Variants in ZNF790 observed in about 807,000 individuals in gnomAD.
ZNF790 encodes the protein zinc finger protein 790.
A neutral mutation model predicts 12.1 loss-of-function variants in ZNF790; 8 were observed. That is an observed-to-expected ratio of 0.66 (90% CI 0.39 to 1.19). The LOEUF (loss-of-function observed/expected upper bound fraction) is 1.19, where lower values mean the gene tolerates loss of function less well. ZNF790 is among the 50% of genes most tolerant of loss of function. The probability of loss-of-function intolerance (pLI) is 0.01; values close to 1 mark genes in which losing one functional copy is unlikely to be tolerated. For synonymous variants in ZNF790, 252 were observed against 244.3 expected (o/e 1.03, Z -0.29); for missense variants, 707 against 752.2 (o/e 0.94, Z 0.70).
chr19:36,820,242 AT>A (rs2071639419), intron 4 of ZNF790, 128 bp from the exon 5 acceptor site: 1 of 964,192 alleles, frequency 1.0e-6, no homozygotes, highest in South Asian at 2.0e-5. Flanking sequence ...ATTCTCAAAT[AT>A]GAGCAATATG....
chr19:36,845,035 G>A (rs1328495182), intron 1 of ZNF790, among the ~76,000 whole-genome samples: 2 of 99,092 alleles, frequency 2.0e-5, no homozygotes, highest in Admixed American at 3.3e-4. Flanking sequence ...GCGACAGAGC[G>A]AGACTCCGTC....
rs1395157131 is a variant in ZNF790, at chr19:36,818,306, G to A, written c.*127C>T. Reference sequence around the variant, plus strand: ...TGCTGCTGCTGCTGCTGCTGCTGCTGGATGTGTGCTCTGTTAAAATGCCTT... The same window carrying A: ...TGCTGCTGCTGCTGCTGCTGCTGCTAGATGTGTGCTCTGTTAAAATGCCTT... On this transcript the variant is annotated 3_prime_UTR_variant, in exon 5 of 5. Coordinates refer to ENST00000356725, the MANE Select transcript of ZNF790 (RefSeq NM_206894.4). 8.4e-6 allele frequency: 6 copies of A among 714,290 alleles called. No homozygotes were observed. Among genetic ancestry groups the A allele is most frequent in the African/African-American group, 1.8e-5 (1 of 54,346 alleles). The allele number at this position is 714,290 out of a possible 1,614,324, so 44.2% of individuals were successfully genotyped here.
intron 4 of ZNF790, among the ~76,000 whole-genome samples, chr19:36,822,919 C>T (rs967971276): frequency 1.3e-5 from 2 of 150,616 alleles, no homozygotes; most frequent in Non-Finnish European, 3.0e-5. Flanking sequence ...GGCACGATCT[C>T]GGCTCACTGC....
chr19:36,824,457 C>T (rs1481258862), intron 2 of ZNF790, among the ~76,000 whole-genome samples: 1 of 151,996 alleles, frequency 6.6e-6, no homozygotes, highest in Non-Finnish European at 1.5e-5. Flanking sequence ...CGTGTGTGCA[C>T]CACTGCGCCT....
Position 36,820,040 on chromosome 19 carries a change from C to T in ZNF790, c.304G>A (p.Glu102Lys), listed in dbSNP as rs893271311. 3 of 1,612,824 alleles carry T rather than the reference C, an allele frequency of 1.9e-6. No individual in the cohort carries two copies. The highest frequency in any genetic ancestry group is 2.5e-6 in the Non-Finnish European group (3 of 1,180,002). The change falls in exon 5 of 5, where the codon GAA becomes AAA. Residue 102 changes from glutamate (E) to lysine (K), a missense_variant. Transcript: ENST00000356725. ...TGGTTTTTACAAATTCTCATTATTT[C>T]CAATTGGGCTATTTCTCTCTCAAAA... ...GIFEREIAQL[E>K]IMRICKNHSL...
At position 36,825,502 on chromosome 19, in the gene ZNF790, T is replaced by G. The variant is rs183141209; in HGVS notation, c.9+109A>C. ...TGGACTGTTTCACAGTCATTACTTA[T>G]GACACTCAATAGTGATTCAGGTAAG... On this transcript the variant is annotated intron_variant, in intron 2 of 4. Transcript: ENST00000356725. The G allele has an allele frequency of 2.6e-6, 3 of 1,149,778 alleles. No homozygotes were observed. The East Asian group carries it at 7.0e-5, about 27-fold the overall frequency. The allele number at this position is 1,149,778 out of a possible 1,614,324, so 71.2% of individuals were successfully genotyped here.
intron 1 of ZNF790, among the ~76,000 whole-genome samples, chr19:36,843,541 G>T (rs1332256730): frequency 6.6e-6 from 1 of 152,108 alleles, no homozygotes; most frequent in Non-Finnish European, 1.5e-5. Flanking sequence ...CTCAATCACT[G>T]ATTAAATGAA....
At chr19:36,823,208 G>T in intron 4 of ZNF790, 77 bp downstream of exon 4, 1 of 1,301,132 alleles carries the variant, frequency 7.7e-7, no homozygotes. Context: ...ATATTTCAGA[G>T]GTGTTGCTGC....
chr19:36,818,799 A>T lies in ZNF790; in HGVS notation c.1545T>A (p.Phe515Leu), dbSNP rs1366148655. 6.2e-7 allele frequency: 1 copy of T among 1,611,038 alleles called. No homozygotes were observed. Among genetic ancestry groups the T allele is most frequent in the African/African-American group, 1.3e-5 (1 of 74,690 alleles). The change falls in exon 5 of 5, where the codon TTT becomes TTA. Residue 515 changes from phenylalanine to leucine, a missense_variant. By Grantham distance (22) the Phe-to-Leu change is conservative. Transcript: ENST00000356725. ...GTCGAGTAAGTTGTGAACCCCAGAG[A>T]AAGGCTTTTCCACATTCTTCACATT... ...PYECEECGKA[F>L]LWGSQLTRHQ...
Position 36,819,155 on chromosome 19 carries a change from C to G in ZNF790, c.1189G>C (p.Glu397Gln). The change falls in exon 5 of 5, where the codon GAG becomes CAG. Residue 397 changes from glutamate to glutamine, a missense_variant. Transcript: ENST00000356725. ...VHVGRKPYKC[E>Q]KCGKAYIWSS... ...CAAATATAGGCTTTCCCACATTTCT[C>G]ACATTTATAAGGTTTCCTACCAACA... The G allele has an allele frequency of 1.2e-6, 2 of 1,613,316 alleles. No individual in the cohort carries two copies. The highest frequency in any genetic ancestry group is 1.7e-6 in the Non-Finnish European group (2 of 1,179,808).
At chr19:36,839,274 T>C (rs530817500), upstream of ZNF790, among the ~76,000 whole-genome samples, 12 of 152,354 alleles carry the variant, frequency 7.9e-5, no homozygotes, top group South Asian at 2.3e-3. Context: ...TAGTTGTTTC[T>C]TTTTTTATTG....
chr19:36,824,100 C>G (rs919265076), intron 2 of ZNF790, among the ~76,000 whole-genome samples: 7 of 148,436 alleles, frequency 4.7e-5, no homozygotes, highest in African/African-American at 1.5e-4. Context: ...GGGTTCACGC[C>G]ATTCTCCTGC....
chr19:36,846,429 G>T (rs757613203), intron 1 of ZNF790, among the ~76,000 whole-genome samples: 2 of 152,152 alleles, frequency 1.3e-5, no homozygotes, highest in Non-Finnish European at 2.9e-5. Flanking sequence ...GCCGGGCATG[G>T]TGGCAGGCGC....
chr19:36,825,734 C>G, intron 1 of ZNF790, 42 bp from the exon 2 acceptor site: 1 of 1,146,760 alleles, frequency 8.7e-7, no homozygotes, highest in African/African-American at 1.5e-5. Flanking sequence ...TCTCAGAGCT[C>G]TCAAAGGGAC....
rs371132465 is a variant in ZNF790, at chr19:36,823,644, C to G, written c.133+23G>C. On this transcript the variant is annotated intron_variant, in intron 3 of 4. Coordinates refer to ENST00000356725, the MANE Select transcript of ZNF790 (RefSeq NM_206894.4). Reference sequence around the variant, plus strand: ...ATCACAATACAGAAAGCAGGAATTTCTAAGGAAAATGCTGAATCTTACCCA... The same window carrying G: ...ATCACAATACAGAAAGCAGGAATTTGTAAGGAAAATGCTGAATCTTACCCA... 2.5e-6 allele frequency: 4 copies of G among 1,596,322 alleles called. No homozygotes were observed. In the African/African-American group the frequency reaches 5.4e-5, roughly 22 times the overall value.
Position 36,818,514 on chromosome 19 carries a change from A to G in ZNF790, c.1830T>C (p.Ile610=), listed in dbSNP as rs781215473. 3 of 1,596,142 alleles carry G rather than the reference A, an allele frequency of 1.9e-6. No individual in the cohort carries two copies. The South Asian group carries it at 3.3e-5, about 18-fold the overall frequency. Residue 610 remains isoleucine, a synonymous_variant, in exon 5 of 5, where the codon ATT becomes ATC. Transcript: ENST00000356725. ...ATTCATAGGATTTCTCAAAAGTGTA[A>G]ATATTCTGGTGTTGAGCAAAGTTTG... The part of the protein sequence containing the change: ...HESNFAQHQN[I]YTFEKSYEFK...
rs918718029 is a variant in ZNF790 at position 36,817,499 on chromosome 19, T to C, written c.*934A>G. The C allele has an allele frequency of 6.6e-5, 10 of 152,150 alleles. No homozygotes were observed. Among genetic ancestry groups the C allele is most frequent in the African/African-American group, 2.2e-4 (9 of 41,438 alleles). 9.4% of individuals were successfully genotyped at this position (152,150 alleles called of 1,614,324 possible). A position where few individuals can be genotyped will look rare whatever the true frequency, so the allele number is the denominator to read the frequency against. The stretch of plus-strand genomic sequence containing the variant: ...ATGTTCAGTAAGACATAAATAGAGA[T>C]GACATATTTGTCTATAATCATTATA... On this transcript the variant is annotated 3_prime_UTR_variant, in exon 5 of 5. Coordinates refer to ENST00000356725, the MANE Select transcript of ZNF790 (RefSeq NM_206894.4).
chr19:36,843,806 C>T (rs1320748503), intron 1 of ZNF790, among the ~76,000 whole-genome samples: 1 of 150,542 alleles, frequency 6.6e-6, no homozygotes, highest in East Asian at 2.0e-4. Flanking sequence ...GTTGGGAGTT[C>T]GAGACCAGCC....
intron 2 of ZNF790, among the ~76,000 whole-genome samples, chr19:36,825,259 T>A (rs2071771974): frequency 6.6e-6 from 1 of 152,188 alleles, no homozygotes; most frequent in Non-Finnish European, 1.5e-5. Flanking sequence ...TTCTACAGAG[T>A]AAATAAAAGC....
Sources: allele counts gnomAD v4.1 joint callset (sites outside exome capture counted in the v4.1 genomes callset), GRCh38; gene constraint gnomAD v4.1.1; transcripts MANE v1.5; gene names NCBI Gene and HGNC (gene_info 2026-07-23, HGNC 2026-07-21).